The following VPS13B variants were observed in gnomAD, a reference collection of about 807,000 sequenced individuals.
The protein encoded by VPS13B is intermembrane lipid transfer protein VPS13B.
A neutral mutation model predicts 426.4 loss-of-function variants in VPS13B; 285 were observed. The ratio of observed to expected loss-of-function variants is 0.67; its 90% CI spans 0.61 to 0.74. The LOEUF (loss-of-function observed/expected upper bound fraction) is 0.74. VPS13B is among the 30% of genes least tolerant of loss of function. The probability of loss-of-function intolerance (pLI) is 0.00; values close to 1 mark genes in which losing one functional copy is unlikely to be tolerated. For synonymous variants in VPS13B, 1,676 were observed against 1,676.4 expected, an observed-to-expected ratio of 1.00 and a Z score of 0.01; for missense variants, 4,537 against 4,782.6, an observed-to-expected ratio of 0.95 and a Z score of 1.51.
In VPS13B at chr8:99,776,771, A is replaced by G. The variant is rs2130667870; in HGVS notation, c.7248-4A>G. ...GAACTTCTTTTATCACTTCTTTCCC[A>G]TAGCTCTGCAAGTGAGTCTGGTTCT... On this transcript the variant is annotated splice_polypyrimidine_tract_variant and splice_region_variant and intron_variant, in intron 40 of 61. Transcript: ENST00000357162. The G allele has an allele frequency of 6.2e-7, 1 of 1,614,032 alleles. No homozygotes were observed. The highest frequency in any genetic ancestry group is 8.5e-7 in the Non-Finnish European group (1 of 1,179,938).
At chr8:99,602,715 C>T (rs912610863) in intron 33 of VPS13B, among the ~76,000 whole-genome samples, 30 of 152,200 alleles carry the variant, frequency 2.0e-4, no homozygotes, top group Non-Finnish European at 2.1e-4. Context: ...GTGCAAAAAT[C>T]ACAAGCATTC....
intron 17 of VPS13B, among the ~76,000 whole-genome samples, chr8:99,199,328 C>T (rs1487944033): frequency 6.6e-6 from 1 of 152,100 alleles, no homozygotes; most frequent in Non-Finnish European, 1.5e-5. Context: ...CCTGCCACCA[C>T]ACCCGGCTAA....
At chr8:99,786,952 C>G (rs1424732203) in intron 43 of VPS13B, among the ~76,000 whole-genome samples, 2 of 152,162 alleles carry the variant, frequency 1.3e-5, no homozygotes, top group African/African-American at 4.8e-5. Flanking sequence ...ACTAGCCACT[C>G]AGTTTCAAAC....
chr8:99,555,905 G>A (rs1271106677), intron 30 of VPS13B, among the ~76,000 whole-genome samples: 1 of 151,984 alleles, frequency 6.6e-6, no homozygotes, highest in African/African-American at 2.4e-5. Flanking sequence ...GAAGAGCAAG[G>A]GTTGAAGGGG....
At chr8:99,542,526 G>GT (rs919049031) in intron 30 of VPS13B, among the ~76,000 whole-genome samples, 12 of 152,252 alleles carry the variant, frequency 7.9e-5, no homozygotes, top group Non-Finnish European at 1.6e-4. Context: ...GAGGATGCTT[G>GT]TTTTTTGTAT....
chr8:99,462,156 C>T (rs1317667689), intron 23 of VPS13B, among the ~76,000 whole-genome samples: 4 of 149,662 alleles, frequency 2.7e-5, no homozygotes, highest in Admixed American at 6.7e-5. Flanking sequence ...CTCCCTTCCT[C>T]CCTCCCTTTC....
At chr8:99,287,302 T>C (rs1435490960) in intron 19 of VPS13B, among the ~76,000 whole-genome samples, 1 of 151,878 alleles carries the variant, frequency 6.6e-6, no homozygotes, top group Non-Finnish European at 1.5e-5. Flanking sequence ...CTCCGTACTG[T>C]ATAGATAGAT....
intron 25 of VPS13B, among the ~76,000 whole-genome samples, chr8:99,487,979 T>C (rs1820399493): frequency 6.6e-6 from 1 of 152,212 alleles, no homozygotes; most frequent in African/African-American, 2.4e-5. Context: ...GCATGTTATA[T>C]GACTTGCACC....
At chr8:99,209,636 G>T in intron 17 of VPS13B, 1 of 466,352 alleles carries the variant, frequency 2.1e-6, no homozygotes, top group Admixed American at 4.5e-5. Flanking sequence ...TGAACTCCTG[G>T]CCTCAAATGA....
intron 25 of VPS13B, among the ~76,000 whole-genome samples, chr8:99,482,235 T>C (rs1820076996): frequency 6.6e-6 from 1 of 152,144 alleles, no homozygotes; most frequent in Non-Finnish European, 1.5e-5. Context: ...CCCTCTCCTC[T>C]TCCTCCCAAT....
intron 19 of VPS13B, among the ~76,000 whole-genome samples, chr8:99,289,572 C>T (rs538659599): frequency 1.6e-4 from 24 of 151,958 alleles, no homozygotes; most frequent in South Asian, 4.1e-4. Context: ...AATCTAAAGA[C>T]GATTCATTTC....
intron 19 of VPS13B, among the ~76,000 whole-genome samples, chr8:99,313,776 C>G (rs971127004): frequency 2.0e-5 from 3 of 152,200 alleles, no homozygotes; most frequent in African/African-American, 7.2e-5. Flanking sequence ...GTGGAGTCTA[C>G]AGAGTCACGC....
At chr8:99,171,449 A>G (rs1051219879) in intron 16 of VPS13B, among the ~76,000 whole-genome samples, 6 of 152,032 alleles carry the variant, frequency 3.9e-5, no homozygotes, top group African/African-American at 1.4e-4. Context: ...AGTGCAATTT[A>G]CTATAGAAAA....
chr8:99,568,570 T>G (rs569509311), intron 31 of VPS13B, among the ~76,000 whole-genome samples: 1 of 152,124 alleles, frequency 6.6e-6, no homozygotes, highest in Non-Finnish European at 1.5e-5. Flanking sequence ...GTATTACAGG[T>G]ATGAGTCACC....
At chr8:99,842,608 C>T (rs188893506) in intron 54 of VPS13B, among the ~76,000 whole-genome samples, 6 of 151,960 alleles carry the variant, frequency 3.9e-5, no homozygotes, top group South Asian at 2.1e-4. Flanking sequence ...GAGCAAAACC[C>T]GTCTCTATTT....
intron 3 of VPS13B, among the ~76,000 whole-genome samples, chr8:99,076,494 C>T (rs1169253655): frequency 3.3e-5 from 5 of 152,054 alleles, no homozygotes; most frequent in African/African-American, 9.6e-5. Flanking sequence ...GCTATCTCTC[C>T]CTTTAGATCT....
chr8:99,159,047 G>A (rs953610879), intron 15 of VPS13B, among the ~76,000 whole-genome samples: 10 of 152,218 alleles, frequency 6.6e-5, no homozygotes, highest in African/African-American at 1.4e-4. Flanking sequence ...ACAGAAGGAG[G>A]TCAATCTATT....
intron 12 of VPS13B, among the ~76,000 whole-genome samples, chr8:99,141,255 A>C (rs903877538): frequency 2.6e-5 from 4 of 152,204 alleles, no homozygotes; most frequent in African/African-American, 7.2e-5. Context: ...GTGTTTTTAC[A>C]TTTCAGACAA....
In VPS13B at chr8:99,236,519, G is replaced by A. The variant is rs576980164; in HGVS notation, c.2516-37679G>A. Among the ~76,000 whole-genome samples the A allele has an allele frequency of 2.3e-4, 35 of 152,274 alleles. 1 individual carries two copies. Among genetic ancestry groups the A allele is most frequent in the African/African-American group, 8.2e-4 (34 of 41,568 alleles). ...CCTCCTTTGGCCCCCCAAAGTGCTAGGATTACAGGCATGAACTACCGTGCC... is the reference window on the plus strand; with the variant it reads ...CCTCCTTTGGCCCCCCAAAGTGCTAAGATTACAGGCATGAACTACCGTGCC... On this transcript the variant is annotated intron_variant, in intron 17 of 61. Coordinates refer to ENST00000357162, the MANE Select transcript of VPS13B (RefSeq NM_152564.5).
Sources: gnomAD v4.1 joint callset for allele counts (sites outside exome capture counted in the v4.1 genomes callset) on GRCh38, gnomAD v4.1.1 for gene constraint, MANE v1.5 for transcripts, NCBI Gene and HGNC (gene_info 2026-07-23, HGNC 2026-07-21) for gene names.